The following CDH20 variants were observed in gnomAD, a reference collection of about 807,000 sequenced individuals.
CDH20 encodes cadherin-20.
Under a neutral mutation model 74.2 loss-of-function variants are expected in CDH20, and 29 were observed. The ratio of observed to expected loss-of-function variants is 0.39; its 90% CI spans 0.29 to 0.53. The LOEUF (loss-of-function observed/expected upper bound fraction) is 0.53, where lower values mean the gene tolerates loss of function less well. Among genes scored for constraint, CDH20 ranks in the 20% least tolerant of loss-of-function variants. CDH20 has a pLI of 0.69. For missense variants in CDH20, 988 were observed against 1,048.3 expected (o/e 0.94, Z 0.79); for synonymous variants, 469 against 405.4 (o/e 1.16, Z -1.88).
chr18:61,369,143 G>T (rs889146190), intron 1 of CDH20, among the ~76,000 whole-genome samples: 3 of 151,948 alleles, frequency 2.0e-5, no homozygotes, highest in Non-Finnish European at 4.4e-5. Flanking sequence ...TGCATCCGGT[G>T]GATATGTATA....
chr18:61,428,026 C>T (rs1307813513), intron 1 of CDH20, among the ~76,000 whole-genome samples: 2 of 152,198 alleles, frequency 1.3e-5, no homozygotes, highest in East Asian at 1.9e-4. Flanking sequence ...CACAAACTTA[C>T]ACTCTAGATG....
chr18:61,483,244 T>A (rs1005855888), intron 1 of CDH20, among the ~76,000 whole-genome samples: 1 of 152,180 alleles, frequency 6.6e-6, no homozygotes, highest in Non-Finnish European at 1.5e-5. Flanking sequence ...TGACGAAGAA[T>A]TCCAGTTCAT....
chr18:61,432,256 A>C (rs938416787), intron 1 of CDH20, among the ~76,000 whole-genome samples: 12 of 144,426 alleles, frequency 8.3e-5, no homozygotes, highest in Middle Eastern at 3.2e-3. Flanking sequence ...AAAAAAAAAA[A>C]AAAAAAAACA....
At chr18:61,366,966 T>C (rs1246243045) in intron 1 of CDH20, among the ~76,000 whole-genome samples, 3 of 152,178 alleles carry the variant, frequency 2.0e-5, no homozygotes, top group Admixed American at 2.0e-4. Context: ...GTAAAATCAA[T>C]TCCTAATTCT....
intron 1 of CDH20, among the ~76,000 whole-genome samples, chr18:61,422,736 T>G (rs1432878215): frequency 1.3e-5 from 2 of 151,160 alleles, no homozygotes; most frequent in African/African-American, 4.8e-5. Context: ...AAAAATACTT[T>G]TGTTAAATGT....
intron 1 of CDH20, among the ~76,000 whole-genome samples, chr18:61,471,055 A>G (rs888024141): frequency 1.3e-5 from 2 of 152,234 alleles, no homozygotes; most frequent in Non-Finnish European, 2.9e-5. Flanking sequence ...GAAATATATT[A>G]TATTATGATG....
chr18:61,435,735 T>TA (rs1208622496), intron 1 of CDH20, among the ~76,000 whole-genome samples: 1 of 150,082 alleles, frequency 6.7e-6, no homozygotes, highest in Non-Finnish European at 1.5e-5. Context: ...AACATAAATA[T>TA]AAAAAATATA....
At chr18:61,551,797 T>C (rs548044065) in intron 11 of CDH20, among the ~76,000 whole-genome samples, 1 of 152,328 alleles carries the variant, frequency 6.6e-6, no homozygotes, top group Non-Finnish European at 1.5e-5. Flanking sequence ...TGGCTGTCCT[T>C]ACTTCTATCT....
At chr18:61,347,105 G>C (rs1447111310) in intron 1 of CDH20, among the ~76,000 whole-genome samples, 1 of 151,466 alleles carries the variant, frequency 6.6e-6, no homozygotes, top group East Asian at 1.9e-4. Flanking sequence ...GAGAATATGT[G>C]GAAAGGGTTA....
At chr18:61,503,368 TTC>T (rs1199032034) in intron 5 of CDH20, among the ~76,000 whole-genome samples, 1 of 152,250 alleles carries the variant, frequency 6.6e-6, no homozygotes, top group African/African-American at 2.4e-5. Flanking sequence ...TTTTTAGACT[TTC>T]TTTCCTGATT....
intron 9 of CDH20, 83 bp from the exon 10 acceptor site, chr18:61,544,944 G>T (rs576862160): frequency 9.4e-6 from 8 of 853,694 alleles, no homozygotes; most frequent in Admixed American, 8.5e-5. Context: ...TCCCACCATC[G>T]CGTTTCCGGG....
intron 1 of CDH20, among the ~76,000 whole-genome samples, chr18:61,470,410 T>A (rs528624153): frequency 6.6e-6 from 1 of 152,336 alleles, no homozygotes; most frequent in East Asian, 1.9e-4. Flanking sequence ...GAGCTCAATT[T>A]GTTCTGGCAA....
intron 7 of CDH20, among the ~76,000 whole-genome samples, chr18:61,535,689 T>G (rs951343028): frequency 2.0e-5 from 3 of 152,210 alleles, no homozygotes; most frequent in African/African-American, 7.2e-5. Flanking sequence ...AAATGTCCTT[T>G]TCTTGCATAA....
intron 7 of CDH20, among the ~76,000 whole-genome samples, chr18:61,535,779 T>C (rs1309588722): frequency 6.6e-6 from 1 of 152,244 alleles, no homozygotes; most frequent in Non-Finnish European, 1.5e-5. Flanking sequence ...AGATCCATTT[T>C]TGTGATGGAA....
intron 1 of CDH20, among the ~76,000 whole-genome samples, chr18:61,378,122 A>C (rs1237040126): frequency 1.3e-5 from 2 of 152,178 alleles, no homozygotes; most frequent in African/African-American, 4.8e-5. Flanking sequence ...CTATTGGCTC[A>C]TTCTACCCCA....
At chr18:61,360,088 G>T (rs1288056045) in intron 1 of CDH20, among the ~76,000 whole-genome samples, 3 of 152,112 alleles carry the variant, frequency 2.0e-5, no homozygotes, top group African/African-American at 7.2e-5. Flanking sequence ...ATAAGAGTGG[G>T]GAGCATGGAG....
At chr18:61,454,320 G>T (rs1484253240) in intron 1 of CDH20, among the ~76,000 whole-genome samples, 1 of 152,162 alleles carries the variant, frequency 6.6e-6, no homozygotes, top group Non-Finnish European at 1.5e-5. Flanking sequence ...GATACAGGAA[G>T]TTCTATTACA....
intron 1 of CDH20, among the ~76,000 whole-genome samples, chr18:61,487,677 A>T (rs1450928308): frequency 6.6e-6 from 1 of 152,126 alleles, no homozygotes; most frequent in African/African-American, 2.4e-5. Flanking sequence ...AGTGTGTAGG[A>T]GGCCAAAGTA....
intron 1 of CDH20, among the ~76,000 whole-genome samples, chr18:61,484,125 C>A (rs569443339): frequency 1.1e-3 from 175 of 152,314 alleles, no homozygotes; most frequent in African/African-American, 4.1e-3. Context: ...CTTGCAACTT[C>A]TTAACAAAGA....
Sources: gnomAD v4.1 joint callset for allele counts (sites outside exome capture counted in the v4.1 genomes callset) on GRCh38, gnomAD v4.1.1 for gene constraint, MANE v1.5 for transcripts, NCBI Gene and HGNC (gene_info 2026-07-23, HGNC 2026-07-21) for gene names.